Variants in SLC43A1 observed in about 807,000 individuals in gnomAD.
SLC43A1 encodes the protein large neutral amino acids transporter small subunit 3.
Under a neutral mutation model 59.5 loss-of-function variants are expected in SLC43A1, and 31 were observed. That is an observed-to-expected ratio of 0.52 (90% CI 0.39 to 0.70). The LOEUF (loss-of-function observed/expected upper bound fraction) is 0.70. Ranked by LOEUF, SLC43A1 falls within the 30% of genes least tolerant of loss-of-function variation. SLC43A1 has a pLI of 0.00. For missense variants in SLC43A1, 598 were observed against 717.8 expected (o/e 0.83, Z 1.91); for synonymous variants, 259 against 290.9 (o/e 0.89, Z 1.12).
chr11:57,489,665 C>T (rs1181001866), intron 11 of SLC43A1, among the ~76,000 whole-genome samples: 2 of 152,212 alleles, frequency 1.3e-5, no homozygotes, highest in East Asian at 1.9e-4. Context: ...AGAATCTCAG[C>T]GGGGATATCT....
chr11:57,498,483 CT>C (rs1286471445), intron 5 of SLC43A1, among the ~76,000 whole-genome samples: 1 of 152,098 alleles, frequency 6.6e-6, no homozygotes, highest in African/African-American at 2.4e-5. Flanking sequence ...AAACAGTGAT[CT>C]TGTCCAACCC....
At chr11:57,508,048 C>T (rs1944431498) in intron 2 of SLC43A1, among the ~76,000 whole-genome samples, 1 of 152,174 alleles carries the variant, frequency 6.6e-6, no homozygotes, top group Non-Finnish European at 1.5e-5. Flanking sequence ...GGGTGGATCA[C>T]CTGAGGTGAG....
chr11:57,493,049 G>A (rs1220511322), intron 8 of SLC43A1, among the ~76,000 whole-genome samples: 2 of 151,970 alleles, frequency 1.3e-5, no homozygotes, highest in African/African-American at 4.8e-5. Context: ...CGGGGCGGGG[G>A]GGAAAGAAAC....
In SLC43A1 at chr11:57,514,062, C is replaced by G; in HGVS notation, c.50G>C (p.Cys17Ser). ...GAAGAGGTTCTCCAGCACAGCCGTG[C>G]AGGCCATCCACCAGCGCCTCCGGTA... ...QAYRRRWWMA[C>S]TAVLENLFFS... The change falls in exon 2 of 15, where the codon TGC (cysteine) becomes TCC (serine). Residue 17 changes from cysteine to serine, a missense_variant. Cys to Ser is a moderately radical substitution (Grantham distance 112). Coordinates refer to ENST00000278426, the MANE Select transcript of SLC43A1 (RefSeq NM_003627.6). This position sits in a 1 kb window ranked among gnomAD's most constrained non-coding sequence, Gnocchi z 5.5. The G allele has an allele frequency of 9.3e-6, 15 of 1,606,528 alleles. No homozygotes were observed. Among genetic ancestry groups the G allele is most frequent in the Non-Finnish European group, 1.1e-5 (13 of 1,176,578 alleles).
At chr11:57,493,034 C>T (rs1048640574) in intron 8 of SLC43A1, among the ~76,000 whole-genome samples, 3 of 151,990 alleles carry the variant, frequency 2.0e-5, no homozygotes, top group Admixed American at 2.0e-4. Flanking sequence ...AGTAAGGCTC[C>T]ATCTCGGGGC....
chr11:57,513,894 C>G, intron 2 of SLC43A1, 64 bp downstream of exon 2: 16 of 1,361,434 alleles, frequency 1.2e-5, no homozygotes, highest in Non-Finnish European at 1.6e-5. Flanking sequence ...CTAACCTTTT[C>G]TGGCTTCCAC....
chr11:57,492,225 T>A (rs145491475), intron 8 of SLC43A1, among the ~76,000 whole-genome samples: 2,140 of 135,992 alleles, frequency 0.016, 38 homozygotes, highest in Admixed American at 0.04. Flanking sequence ...ATATATTTAT[T>A]TATTTATTTA....
chr11:57,494,114 G>A lies in SLC43A1; in HGVS notation c.750C>T (p.Phe250=), dbSNP rs758253971. The change falls in exon 8 of 15, where the codon TTC becomes TTT. Residue 250 remains phenylalanine (F), a synonymous_variant. Transcript: ENST00000278426. Reference sequence around the variant, plus strand: ...GGCCCATGGTGGTCACATGGGTGTAGAAGAGGTCACCTGTCACCTTGTGGT... The same window carrying A: ...GGCCCATGGTGGTCACATGGGTGTAAAAGAGGTCACCTGTCACCTTGTGGT... ...ALDHKVTGDL[F]YTHVTTMGQR... is the part of the protein sequence containing the mutation. 20 of 1,611,650 alleles carry A rather than the reference G, an allele frequency of 1.2e-5. No homozygotes were observed. Among genetic ancestry groups the A allele is most frequent in the South Asian group, 3.3e-5 (3 of 90,672 alleles).
chr11:57,503,320 G>A (rs1027769984), intron 2 of SLC43A1, among the ~76,000 whole-genome samples: 34 of 99,126 alleles, frequency 3.4e-4, no homozygotes, highest in Admixed American at 4.9e-4. Flanking sequence ...TTTTTTTTGA[G>A]ACAGGGTCTC....
In SLC43A1 at chr11:57,508,648, G is replaced by C. The variant is rs1022568504; in HGVS notation, c.154+5310C>G. Among the ~76,000 whole-genome samples the C allele has an allele frequency of 2.6e-5, 4 of 152,244 alleles. No individual in the cohort carries two copies. The East Asian group carries it at 7.7e-4, about 29-fold the overall frequency. The stretch of plus-strand genomic sequence containing the variant: ...TAAGTCCTAGAAAATTAAAAAATTA[G>C]CCAGGTGTGGAAGCACATGCCTGTA... On this transcript the variant is annotated intron_variant, in intron 2 of 14. Coordinates refer to ENST00000278426, the MANE Select transcript of SLC43A1 (RefSeq NM_003627.6).
intron 2 of SLC43A1, among the ~76,000 whole-genome samples, chr11:57,504,029 T>TA (rs1944334131): frequency 1.3e-5 from 2 of 151,262 alleles, no homozygotes; most frequent in East Asian, 3.9e-4. Context: ...CCATCTCTAC[T>TA]AAAAATACAA....
At chr11:57,503,057 A>G (rs983353220) in intron 2 of SLC43A1, among the ~76,000 whole-genome samples, 1 of 152,046 alleles carries the variant, frequency 6.6e-6, no homozygotes, top group African/African-American at 2.4e-5. Flanking sequence ...GTAAAGATAA[A>G]GGAATCTGTG....
At chr11:57,500,642 C>T in intron 5 of SLC43A1, 137 bp downstream of exon 5, 1 of 750,824 alleles carries the variant, frequency 1.3e-6, no homozygotes. Context: ...TGCACAGTTT[C>T]TCACACACTC....
chr11:57,505,034 C>A lies in SLC43A1; in HGVS notation c.155-3705G>T, dbSNP rs182507471. 1.5e-3 allele frequency among the ~76,000 whole-genome samples: 225 copies of A among 152,288 alleles called. 1 individual carries two copies. Among genetic ancestry groups the A allele is most frequent in the African/African-American group, 5.2e-3 (214 of 41,548 alleles). On this transcript the variant is annotated intron_variant, in intron 2 of 14. Coordinates refer to ENST00000278426, the MANE Select transcript of SLC43A1 (RefSeq NM_003627.6). ...CTTTGGCATCAACCCCCAACCCCAA[C>A]ATTTATAGACAAATAAAGCGAAGCA... is the stretch of plus-strand genomic sequence containing the variant.
At chr11:57,492,073 G>A (rs1943922383) in intron 8 of SLC43A1, among the ~76,000 whole-genome samples, 1 of 151,946 alleles carries the variant, frequency 6.6e-6, no homozygotes, top group East Asian at 1.9e-4. Flanking sequence ...TGCTTCGTGT[G>A]GTAAAAATAA....
At chr11:57,488,545 G>A (rs1334295666) in intron 13 of SLC43A1, among the ~76,000 whole-genome samples, 1 of 152,174 alleles carries the variant, frequency 6.6e-6, no homozygotes, top group Non-Finnish European at 1.5e-5. Context: ...GCCCAGCAGG[G>A]GAAACCAGGA....
Position 57,485,087 on chromosome 11 carries a change from C to A in SLC43A1, c.*9G>T. ...TTGCCTGTCATCCAGGTCCCTTGGTCTGAGAAGTCTATGCGGTCACCTCAG... is the reference window on the plus strand; with the variant it reads ...TTGCCTGTCATCCAGGTCCCTTGGTATGAGAAGTCTATGCGGTCACCTCAG... On this transcript the variant is annotated 3_prime_UTR_variant, in exon 15 of 15. Transcript: ENST00000278426. 1 of 1,606,920 alleles carries A rather than the reference C, an allele frequency of 6.2e-7. No homozygotes were observed. Among genetic ancestry groups the A allele is most frequent in the South Asian group, 1.1e-5 (1 of 89,864 alleles).
Position 57,515,182 on chromosome 11 carries a change from A to G in SLC43A1, c.-14+262T>C, listed in dbSNP as rs1944657308. The G allele has an allele frequency of 2.2e-6, 1 of 444,602 alleles. No individual in the cohort carries two copies. Among genetic ancestry groups the G allele is most frequent in the Admixed American group, 6.4e-5 (1 of 15,608 alleles). The allele number at this position is 444,602 out of a possible 1,614,324, so 27.5% of individuals were successfully genotyped here. A position where few individuals can be genotyped will look rare whatever the true frequency, so the allele number is the denominator to read the frequency against. On this transcript the variant is annotated intron_variant, in intron 1 of 14. Transcript: ENST00000278426. The surrounding 1 kb of genome is among the most constrained non-coding windows in gnomAD (Gnocchi z 5.3). ...CAAGCGCTCCAGGAGGTCCGCTGGA[A>G]CTCTGGCAAACGCGCAGCTCTAAGC... is the stretch of plus-strand genomic sequence containing the variant.
At position 57,491,343 on chromosome 11, in the gene SLC43A1, G is replaced by A; in HGVS notation, c.1074C>T (p.Val358=). 1 of 1,601,192 alleles carries A rather than the reference G, an allele frequency of 6.2e-7. No individual in the cohort carries two copies. The highest frequency in any genetic ancestry group is 8.5e-7 in the Non-Finnish European group (1 of 1,173,532). ...VAETVGFYSS[V]FGAMQLLCLL... Reference sequence around the variant, plus strand: ...GGCACAACAGCTGCATGGCCCCGAAGACGGAGGAGTAGAACCCAACTGGGC... The same window carrying A: ...GGCACAACAGCTGCATGGCCCCGAAAACGGAGGAGTAGAACCCAACTGGGC... The change falls in exon 11 of 15, where the codon GTC becomes GTT. Residue 358 remains valine (V), a synonymous_variant. Transcript: ENST00000278426.
Sources: allele counts gnomAD v4.1 joint callset (sites outside exome capture counted in the v4.1 genomes callset), GRCh38; gene constraint gnomAD v4.1.1; non-coding constraint Gnocchi (gnomAD v3.1); transcripts MANE v1.5; gene names NCBI Gene and HGNC (gene_info 2026-07-23, HGNC 2026-07-21).